Variants in FARS2 observed in about 807,000 individuals in gnomAD.
The protein encoded by FARS2 is phenylalanine--tRNA ligase, mitochondrial.
FARS2 carries 40 observed loss-of-function variants against 46.4 expected under a neutral mutation model. The ratio of observed to expected loss-of-function variants is 0.86; its 90% CI spans 0.67 to 1.12. The LOEUF (loss-of-function observed/expected upper bound fraction) is 1.12, where lower values mean the gene tolerates loss of function less well. Ranked by LOEUF, FARS2 falls within the 50% of genes most tolerant of loss-of-function variation. The pLI is 0.00. For missense variants in FARS2, 513 were observed against 567.9 expected, an observed-to-expected ratio of 0.90 and a Z score of 0.98; for synonymous variants, 234 against 214.9, an observed-to-expected ratio of 1.09 and a Z score of -0.78.
At chr6:5,536,320 C>T (rs953131350) in intron 4 of FARS2, among the ~76,000 whole-genome samples, 8 of 152,044 alleles carry the variant, frequency 5.3e-5, no homozygotes, top group South Asian at 2.1e-4. Context: ...CGTGAGCCAC[C>T]GTGCCTGGCC....
intron 6 of FARS2, among the ~76,000 whole-genome samples, chr6:5,653,840 G>A (rs919736189): frequency 7.9e-5 from 12 of 151,928 alleles, no homozygotes; most frequent in African/African-American, 2.9e-4. Flanking sequence ...AGTGGAGAAG[G>A]GCAGGCTGCA....
At chr6:5,691,128 G>A (rs1441803161) in intron 6 of FARS2, among the ~76,000 whole-genome samples, 2 of 151,974 alleles carry the variant, frequency 1.3e-5, no homozygotes, top group Admixed American at 6.6e-5. Flanking sequence ...TTTGCAATGG[G>A]TTCAAACTTC....
At chr6:5,489,622 TTC>T (rs951109112) in intron 4 of FARS2, among the ~76,000 whole-genome samples, 5 of 152,194 alleles carry the variant, frequency 3.3e-5, no homozygotes, top group African/African-American at 1.2e-4. Flanking sequence ...ATCTCTTTCC[TTC>T]TCTCTACGCA....
chr6:5,593,738 A>G lies in FARS2; in HGVS notation c.1066-19431A>G, dbSNP rs541258197. The stretch of plus-strand genomic sequence containing the variant: ...AGCCCATAGGAAAATGTTTCATTCG[A>G]TTTTATTCAGGCTCAGGCGAATTTT... On this transcript the variant is annotated intron_variant, in intron 5 of 6. Transcript: ENST00000274680. Among the ~76,000 whole-genome samples the G allele has an allele frequency of 7.9e-5, 12 of 152,252 alleles. No individual in the cohort carries two copies. In the South Asian group the frequency reaches 2.5e-3, roughly 32 times the overall value.
intron 2 of FARS2, among the ~76,000 whole-genome samples, chr6:5,380,266 G>A (rs1296514594): frequency 6.6e-6 from 1 of 152,158 alleles, no homozygotes; most frequent in East Asian, 1.9e-4. Context: ...ATTTCTCTAA[G>A]ATCTCAGGAA....
chr6:5,440,216 G>T lies in FARS2; in HGVS notation c.904+9044G>T, dbSNP rs775466769. On this transcript the variant is annotated intron_variant, in intron 4 of 6. Transcript: ENST00000274680. ...CCTATATAAAACTGTAAATCTTTAT[G>T]CATATTTATAATTGTCAGATATACC... 4.6e-5 allele frequency among the ~76,000 whole-genome samples: 7 copies of T among 152,074 alleles called. 1 individual carries two copies. Among genetic ancestry groups the T allele is most frequent in the Non-Finnish European group, 7.4e-5 (5 of 68,000 alleles).
chr6:5,444,783 G>GGA lies in FARS2; in HGVS notation c.904+13612_904+13613insAG, dbSNP rs1582125559. ...CAGGCTCATGGAAACAGTAAAATGG[G>GGA]GCGGGGGGGAACTGACCTAATTTTT... On this transcript the variant is annotated intron_variant, in intron 4 of 6. Coordinates refer to ENST00000274680, the MANE Select transcript of FARS2 (RefSeq NM_006567.5). 3.7e-5 allele frequency among the ~76,000 whole-genome samples: 3 copies of GGA among 80,360 alleles called. No homozygotes were observed. The East Asian group carries it at 3.5e-3, about 93-fold the overall frequency. The allele number at this position is 80,360 out of a possible 152,430, so 52.7% of individuals were successfully genotyped here.
At chr6:5,694,086 G>A (rs1178741249) in intron 6 of FARS2, among the ~76,000 whole-genome samples, 3 of 152,254 alleles carry the variant, frequency 2.0e-5, no homozygotes, top group African/African-American at 4.8e-5. Flanking sequence ...CATTGCTGCT[G>A]TATTTGAGAG....
intron 6 of FARS2, among the ~76,000 whole-genome samples, chr6:5,629,046 T>A (rs1776167825): frequency 6.6e-6 from 1 of 152,188 alleles, no homozygotes; most frequent in Admixed American, 6.5e-5. Context: ...CTTTTTTCCT[T>A]ATAGCTAGAA....
intron 6 of FARS2, among the ~76,000 whole-genome samples, chr6:5,675,690 A>G (rs1778730269): frequency 6.6e-6 from 1 of 152,244 alleles, no homozygotes; most frequent in African/African-American, 2.4e-5. Context: ...CGTAAAGAGA[A>G]GTTCCACAGA....
intron 6 of FARS2, among the ~76,000 whole-genome samples, chr6:5,687,716 T>G (rs1757354423): frequency 6.6e-6 from 1 of 152,146 alleles, no homozygotes; most frequent in Non-Finnish European, 1.5e-5. Context: ...TTTAAAGTAG[T>G]TTTTTTCCAA....
At chr6:5,747,070 G>C (rs1043045607) in intron 6 of FARS2, among the ~76,000 whole-genome samples, 1 of 152,190 alleles carries the variant, frequency 6.6e-6, no homozygotes, top group African/African-American at 2.4e-5. Context: ...GGTTGCAAAG[G>C]GTATGGCGGC....
chr6:5,496,684 T>C (rs1048407294), intron 4 of FARS2, among the ~76,000 whole-genome samples: 1 of 152,106 alleles, frequency 6.6e-6, no homozygotes, highest in Non-Finnish European at 1.5e-5. Flanking sequence ...CTCTTCTTCT[T>C]GTAAGGACAT....
At chr6:5,759,357 T>C (rs1762372323) in intron 6 of FARS2, among the ~76,000 whole-genome samples, 1 of 152,204 alleles carries the variant, frequency 6.6e-6, no homozygotes, top group South Asian at 2.1e-4. Flanking sequence ...TTTTAGCACA[T>C]TGTAATTTAC....
chr6:5,654,374 C>T (rs1163875152), intron 6 of FARS2, among the ~76,000 whole-genome samples: 1 of 152,194 alleles, frequency 6.6e-6, no homozygotes, highest in East Asian at 1.9e-4. Flanking sequence ...TAAATCAGAA[C>T]TTACAAATGT....
chr6:5,719,452 G>GAGAAAGAAAGAGAAAGA lies in FARS2; in HGVS notation c.1218-51838_1218-51837insGAAAGAAAGAGAAAGAA, dbSNP rs770470132. Among the ~76,000 whole-genome samples the GAGAAAGAAAGAGAAAGA allele has an allele frequency of 5.7e-3, 850 of 150,162 alleles. 2 individuals carry two copies. The highest frequency in any genetic ancestry group is 0.021 in the Middle Eastern group (6 of 292). On this transcript the variant is annotated intron_variant, in intron 6 of 6. Coordinates refer to ENST00000274680, the MANE Select transcript of FARS2 (RefSeq NM_006567.5). ...AAGAAAGGAAAGAAAGAGAGAAAGAGATAAAGAAAAGAGAAGAAAAGAAAA... is the reference window on the plus strand; with the variant it reads ...AAGAAAGGAAAGAAAGAGAGAAAGAGAGAAAGAAAGAGAAAGAATAAAGAAAAGAGAAGAAAAGAAAA...
intron 5 of FARS2, among the ~76,000 whole-genome samples, chr6:5,604,439 T>C (rs1219696628): frequency 6.6e-6 from 1 of 152,074 alleles, no homozygotes; most frequent in Non-Finnish European, 1.5e-5. Flanking sequence ...TAGCAGGTGC[T>C]CGCAGGTTCA....
chr6:5,669,185 A>AG (rs1561788786), intron 6 of FARS2, among the ~76,000 whole-genome samples: 2 of 152,238 alleles, frequency 1.3e-5, no homozygotes. Context: ...ATGGGAAAAT[A>AG]GGAGCCATTC....
At chr6:5,281,621 A>G (rs1218447767) in intron 1 of FARS2, among the ~76,000 whole-genome samples, 1 of 151,598 alleles carries the variant, frequency 6.6e-6, no homozygotes, top group Non-Finnish European at 1.5e-5. Flanking sequence ...GCAGCTCCCC[A>G]TTCTCCCACC....
Sources: allele counts gnomAD v4.1 joint callset (sites outside exome capture counted in the v4.1 genomes callset), GRCh38; gene constraint gnomAD v4.1.1; transcripts MANE v1.5; gene names NCBI Gene and HGNC (gene_info 2026-07-23, HGNC 2026-07-21).